The following BCAR3 variants were observed in gnomAD, a reference collection of about 807,000 sequenced individuals.
BCAR3 encodes the protein breast cancer anti-estrogen resistance protein 3.
A neutral mutation model predicts 80.1 loss-of-function variants in BCAR3; 37 were observed. That is an observed-to-expected ratio of 0.46 (90% CI 0.36 to 0.61). The LOEUF (loss-of-function observed/expected upper bound fraction) is 0.61, where lower values mean the gene tolerates loss of function less well. BCAR3 is among the 20% of genes least tolerant of loss of function. The pLI is 0.00. For missense variants in BCAR3, 978 were observed against 1,068.2 expected (o/e 0.92, Z 1.18); for synonymous variants, 389 against 418.9 (o/e 0.93, Z 0.87).
chr1:93,844,500 T>C lies in BCAR3; in HGVS notation c.-63+1067A>G, dbSNP rs371646482. Among the ~76,000 whole-genome samples the C allele has an allele frequency of 2.4e-4, 37 of 152,296 alleles. 3 individuals are homozygous for C. Among genetic ancestry groups the C allele is most frequent in the Admixed American group, 1.2e-3 (19 of 15,288 alleles). ...GGAATTCTTAGCTCAGGTTGTATAA[T>C]GGCTGTTTACTACAGATACAGCCTG... is the stretch of plus-strand genomic sequence containing the variant. On this transcript the variant is annotated intron_variant, in intron 2 of 13. Coordinates refer to the BCAR3 transcript ENST00000370244.
At chr1:93,675,070 T>TG in intron 1 of BCAR3, 129 bp from the exon 2 acceptor site, 2 of 706,666 alleles carry the variant, frequency 2.8e-6, no homozygotes, top group Non-Finnish European at 4.3e-6. Flanking sequence ...CAGATCAACA[T>TG]TTAATGGCAT....
intron 2 of BCAR3, among the ~76,000 whole-genome samples, chr1:93,832,032 G>C (rs139715510): frequency 0.074 from 11,205 of 152,136 alleles, 471 homozygotes; most frequent in South Asian, 0.093. Flanking sequence ...ACCCAGAAGG[G>C]CCAGAAGGCC....
intron 3 of BCAR3, among the ~76,000 whole-genome samples, chr1:93,641,898 C>G (rs1379834452): frequency 6.6e-6 from 1 of 152,128 alleles, no homozygotes; most frequent in Non-Finnish European, 1.5e-5. Context: ...AAAATGTGAC[C>G]TGAACTACAC....
intron 3 of BCAR3, chr1:93,600,585 C>G (rs1674591496): frequency 6.6e-6 from 1 of 152,242 alleles, no homozygotes; most frequent in African/African-American, 2.4e-5. Flanking sequence ...AGCCCAAAGC[C>G]TCCTTCATAA....
At chr1:93,655,110 T>TA (rs1647311613) in intron 2 of BCAR3, among the ~76,000 whole-genome samples, 1 of 152,018 alleles carries the variant, frequency 6.6e-6, no homozygotes, top group South Asian at 2.1e-4. Flanking sequence ...GCAGGAACAG[T>TA]AAGGGGCTGG....
intron 3 of BCAR3, among the ~76,000 whole-genome samples, chr1:93,639,413 T>C (rs1675908904): frequency 6.6e-6 from 1 of 151,542 alleles, no homozygotes; most frequent in Admixed American, 6.6e-5. Context: ...CTCTCTTCTA[T>C]CTGGGCACTG....
At chr1:93,650,024 C>G (rs1676272960) in intron 2 of BCAR3, among the ~76,000 whole-genome samples, 1 of 150,270 alleles carries the variant, frequency 6.7e-6, no homozygotes, top group Non-Finnish European at 1.5e-5. Context: ...ACTCTGATGG[C>G]ACAGTGATCA....
intron 2 of BCAR3, among the ~76,000 whole-genome samples, chr1:93,709,205 C>T (rs1203458132): frequency 6.6e-6 from 1 of 152,214 alleles, no homozygotes; most frequent in Non-Finnish European, 1.5e-5. Flanking sequence ...GGCAGCAGAG[C>T]AGCGTGCTCA....
At chr1:93,708,251 C>T (rs967492234) in intron 2 of BCAR3, among the ~76,000 whole-genome samples, 2 of 152,242 alleles carry the variant, frequency 1.3e-5, no homozygotes, top group African/African-American at 4.8e-5. Flanking sequence ...CACCAGGCCA[C>T]TTCTCATCCT....
At chr1:93,659,441 GCT>G (rs1383674996) in intron 2 of BCAR3, among the ~76,000 whole-genome samples, 1 of 151,718 alleles carries the variant, frequency 6.6e-6, no homozygotes, top group Non-Finnish European at 1.5e-5. Context: ...AATCCTCCCT[GCT>G]CAGCCTCCCA....
At chr1:93,839,359 T>C (rs1654878877) in intron 2 of BCAR3, among the ~76,000 whole-genome samples, 1 of 152,204 alleles carries the variant, frequency 6.6e-6, no homozygotes, top group African/African-American at 2.4e-5. Flanking sequence ...TTCAGAAAGC[T>C]GAATGACAAA....
Position 93,630,474 on chromosome 1 carries a change from A to AT in BCAR3, c.357+11829_357+11830insA, listed in dbSNP as rs544333633. On this transcript the variant is annotated intron_variant, in intron 3 of 11. Coordinates refer to ENST00000260502, the MANE Select transcript of BCAR3 (RefSeq NM_003567.4). ...AAACCAGGTCTCTAAAAAAAAAAAA[A>AT]AATACAAAAATCAGCCAGGTGTGAT... Among the ~76,000 whole-genome samples the AT allele has an allele frequency of 2.8e-4, 42 of 152,024 alleles. No individual in the cohort carries two copies. In the South Asian group the frequency reaches 4.0e-3, roughly 14 times the overall value.
intron 3 of BCAR3, among the ~76,000 whole-genome samples, chr1:93,627,572 A>T (rs1675490377): frequency 6.6e-6 from 1 of 152,264 alleles, no homozygotes; most frequent in Non-Finnish European, 1.5e-5. Flanking sequence ...GTTCTATCAG[A>T]CACTAAAGAG....
upstream of BCAR3, among the ~76,000 whole-genome samples, chr1:93,682,778 C>G (rs985980902): frequency 6.6e-6 from 1 of 152,194 alleles, no homozygotes; most frequent in African/African-American, 2.4e-5. Context: ...GTCTCGAACT[C>G]CTGACCTCAG....
At position 93,582,463 on chromosome 1, in the gene BCAR3, G is replaced by A. The variant is rs780163653; in HGVS notation, c.1524C>T (p.Leu508=). 6 of 1,614,086 alleles carry A rather than the reference G, an allele frequency of 3.7e-6. No homozygotes were observed. In the African/African-American group the frequency reaches 6.7e-5, roughly 18 times the overall value. The change falls in exon 7 of 12, where the codon CTC becomes CTT. Residue 508 remains leucine, a synonymous_variant. Coordinates refer to ENST00000260502, the MANE Select transcript of BCAR3 (RefSeq NM_003567.4). ...QWDKGEFVTP[L]LETVSSFRPN... The stretch of plus-strand genomic sequence containing the variant: ...GCCTGAAGGAGGAGACAGTCTCCAG[G>A]AGGGGCGTCACAAACTCGCCCTTGT...
At chr1:93,657,777 T>C (rs537211585) in intron 2 of BCAR3, among the ~76,000 whole-genome samples, 1 of 151,980 alleles carries the variant, frequency 6.6e-6, no homozygotes, top group East Asian at 1.9e-4. Flanking sequence ...CACCTTTTCA[T>C]AATGTCTGGA....
At chr1:93,738,835 A>G (rs1430842336) in intron 2 of BCAR3, among the ~76,000 whole-genome samples, 1 of 152,164 alleles carries the variant, frequency 6.6e-6, no homozygotes, top group East Asian at 1.9e-4. Flanking sequence ...TGAACTTTGT[A>G]TTTATTATTA....
At chr1:93,846,016 A>C (rs1206971836) in intron 1 of BCAR3, among the ~76,000 whole-genome samples, 1 of 152,070 alleles carries the variant, frequency 6.6e-6, no homozygotes, top group African/African-American at 2.4e-5. Flanking sequence ...GATTCATCAC[A>C]GTTCTCCACG....
chr1:93,643,746 A>T (rs990614682), intron 2 of BCAR3, among the ~76,000 whole-genome samples: 6 of 152,250 alleles, frequency 3.9e-5, no homozygotes, highest in Admixed American at 2.6e-4. Flanking sequence ...ATACAATTGT[A>T]CTGTATATGG....
Sources: allele counts gnomAD v4.1 joint callset (sites outside exome capture counted in the v4.1 genomes callset), GRCh38; gene constraint gnomAD v4.1.1; transcripts MANE v1.5; gene names NCBI Gene and HGNC (gene_info 2026-07-23, HGNC 2026-07-21).